Variants in KTN1 observed in about 807,000 individuals in gnomAD.
KTN1 encodes the protein kinectin.
A neutral mutation model predicts 222.5 loss-of-function variants in KTN1; 130 were observed. The observed-to-expected ratio is 0.58, with a 90% CI of 0.51 to 0.68. The LOEUF is 0.68. KTN1 is among the 30% of genes least tolerant of loss of function. The pLI is 0.00. For synonymous variants in KTN1, 512 were observed against 496.3 expected (o/e 1.03, Z -0.42); for missense variants, 1,508 against 1,500.4 (o/e 1.01, Z -0.08).
intron 3 of KTN1, 69 bp downstream of exon 3, chr14:55,616,723 A>G: frequency 7.9e-7 from 1 of 1,269,670 alleles, no homozygotes; most frequent in Middle Eastern, 1.9e-4. Flanking sequence ...AGGACCCTGG[A>G]ATCTCACACG....
In KTN1 at chr14:55,661,631, G is replaced by C; in HGVS notation, c.3090+19G>C. On this transcript the variant is annotated intron_variant, in intron 32 of 43. Transcript: ENST00000395314. ...AAACAATGTAAGTAGATCTTTATCA[G>C]AATGAAGCTTTTCTTTTTATTACTT... is the stretch of plus-strand genomic sequence containing the variant. 1 of 1,326,422 alleles carries C rather than the reference G, an allele frequency of 7.5e-7. No individual in the cohort carries two copies. Among genetic ancestry groups the C allele is most frequent in the Non-Finnish European group, 1.1e-6 (1 of 934,036 alleles). The allele number at this position is 1,326,422 out of a possible 1,614,324, so 82.2% of individuals were successfully genotyped here. A position where few individuals can be genotyped will look rare whatever the true frequency, so the allele number is the denominator to read the frequency against.
chr14:55,658,642 C>T, intron 30 of KTN1, 28 bp downstream of exon 30: 1 of 1,466,678 alleles, frequency 6.8e-7, no homozygotes, highest in East Asian at 2.3e-5. Flanking sequence ...TCTTGCCTTT[C>T]ACTTACGTGG....
chr14:55,615,548 G>T (rs973123501), intron 2 of KTN1, among the ~76,000 whole-genome samples: 1 of 151,850 alleles, frequency 6.6e-6, no homozygotes, highest in African/African-American at 2.4e-5. Flanking sequence ...AAGGGGTAGA[G>T]ACCAAAAGTA....
At chr14:55,651,864 T>G in intron 24 of KTN1, 26 bp from the exon 25 acceptor site, 1 of 1,470,516 alleles carries the variant, frequency 6.8e-7, no homozygotes, top group Non-Finnish European at 9.4e-7. Context: ...GATTATTAAT[T>G]GATTTTTCTG....
chr14:55,642,152 A>G (rs563637064), intron 18 of KTN1, among the ~76,000 whole-genome samples: 8 of 152,316 alleles, frequency 5.3e-5, no homozygotes, highest in Non-Finnish European at 1.2e-4. Context: ...TTGATCAAAT[A>G]GCTTAACCTT....
At chr14:55,626,566 G>A (rs1194334284) in intron 5 of KTN1, among the ~76,000 whole-genome samples, 2 of 151,754 alleles carry the variant, frequency 1.3e-5, no homozygotes, top group Admixed American at 6.6e-5. Flanking sequence ...TTTTGGTATC[G>A]TGTATAGATC....
chr14:55,632,201 C>T (rs1408176914), intron 7 of KTN1, among the ~76,000 whole-genome samples: 5 of 152,068 alleles, frequency 3.3e-5, no homozygotes, highest in Non-Finnish European at 7.4e-5. Context: ...TTCCTAATTC[C>T]TGTTAATTTG....
At chr14:55,628,077 A>G (rs2140883511) in intron 6 of KTN1, 49 bp downstream of exon 6, 1 of 1,129,970 alleles carries the variant, frequency 8.8e-7, no homozygotes, top group Non-Finnish European at 1.3e-6. Flanking sequence ...ATCAGAAGCA[A>G]CAAAAGATTT....
intron 43 of KTN1, chr14:55,681,549 T>G (rs1327722955): frequency 6.6e-6 from 1 of 152,050 alleles, no homozygotes; most frequent in Non-Finnish European, 1.5e-5. Context: ...TAACACTTTT[T>G]CTTTTTGATT....
chr14:55,664,120 T>TA, intron 33 of KTN1, 79 bp downstream of exon 33: 1 of 846,016 alleles, frequency 1.2e-6, no homozygotes, highest in Non-Finnish European at 1.9e-6. Context: ...CTAAAGCATT[T>TA]ACTTTTACTG....
At chr14:55,615,652 A>G (rs576030542) in intron 2 of KTN1, among the ~76,000 whole-genome samples, 6 of 152,288 alleles carry the variant, frequency 3.9e-5, no homozygotes, top group African/African-American at 1.4e-4. Context: ...CCTTTCGTGG[A>G]ATGAAAGAGA....
intron 1 of KTN1, among the ~76,000 whole-genome samples, chr14:55,600,184 C>G (rs2140455878): frequency 6.6e-6 from 1 of 150,960 alleles, no homozygotes; most frequent in Non-Finnish European, 1.5e-5. Context: ...CATTTTAGTA[C>G]TTCCATTGTT....
At chr14:55,674,824 G>A (rs1166095462) in intron 40 of KTN1, 1 of 151,864 alleles carries the variant, frequency 6.6e-6, no homozygotes, top group Non-Finnish European at 1.5e-5. Context: ...TTTAATGTTT[G>A]TTTGCTCAGA....
At chr14:55,625,202 A>G (rs1219168929) in intron 5 of KTN1, among the ~76,000 whole-genome samples, 1 of 152,180 alleles carries the variant, frequency 6.6e-6, no homozygotes, top group Non-Finnish European at 1.5e-5. Flanking sequence ...CATGGCTAAA[A>G]TGGGAATGAT....
chr14:55,596,154 CA>C (rs71448460), intron 1 of KTN1, among the ~76,000 whole-genome samples: 82 of 61,108 alleles, frequency 1.3e-3, no homozygotes, highest in African/African-American at 3.2e-3. Context: ...GACTCAATAG[CA>C]AAAAAAAAAA....
rs1156346062 is a variant in KTN1 at position 55,640,442 on chromosome 14, G to C, written c.1983G>C (p.Gln661His). 6.3e-7 allele frequency: 1 copy of C among 1,597,680 alleles called. No homozygotes were observed. Among genetic ancestry groups the C allele is most frequent in the Non-Finnish European group, 8.5e-7 (1 of 1,170,874 alleles). The change falls in exon 15 of 44, where the codon CAG becomes CAC. Residue 661 changes from glutamine to histidine, a missense_variant and splice_region_variant. Physicochemically the swap from Gln to His is conservative, Grantham distance 24 (BLOSUM62 0). Transcript: ENST00000395314. ...AATTACAGGCCCTGGCAAATGAGCA[G>C]GTAGATCTTTATTGCTTTTGAGCAT... ...VQKLQALANE[Q>H]AAAAHELEKM...
chr14:55,669,233 T>G (rs938829615), intron 34 of KTN1, among the ~76,000 whole-genome samples: 4 of 152,096 alleles, frequency 2.6e-5, no homozygotes, highest in Non-Finnish European at 4.4e-5. Flanking sequence ...AAATTTTCTT[T>G]TCTAACAGCA....
chr14:55,647,088 C>G (rs1280906846), intron 19 of KTN1, 81 bp downstream of exon 19: 1 of 911,964 alleles, frequency 1.1e-6, no homozygotes, highest in Non-Finnish European at 1.7e-6. Flanking sequence ...TTAAAATTCT[C>G]TTTAAACTTT....
chr14:55,608,291 T>C (rs1268401392), intron 1 of KTN1, among the ~76,000 whole-genome samples: 1 of 152,206 alleles, frequency 6.6e-6, no homozygotes, highest in Non-Finnish European at 1.5e-5. Context: ...TTTATTGGTA[T>C]TGTAGTATTT....
Sources: gnomAD v4.1 joint callset for allele counts (sites outside exome capture counted in the v4.1 genomes callset) on GRCh38, gnomAD v4.1.1 for gene constraint, MANE v1.5 for transcripts, NCBI Gene and HGNC (gene_info 2026-07-23, HGNC 2026-07-21) for gene names.